Variants in COL24A1 observed in about 807,000 individuals in gnomAD.
The protein encoded by COL24A1 is collagen alpha-1(XXIV) chain.
A neutral mutation model predicts 253.9 loss-of-function variants in COL24A1; 224 were observed. The ratio of observed to expected loss-of-function variants is 0.88; its 90% CI spans 0.79 to 0.99. The LOEUF (loss-of-function observed/expected upper bound fraction) is 0.99. Ranked by LOEUF, COL24A1 falls within the 50% of genes least tolerant of loss-of-function variation. COL24A1 has a pLI of 0.00. For synonymous variants in COL24A1, 685 were observed against 673.7 expected, an observed-to-expected ratio of 1.02 and a Z score of -0.26; for missense variants, 2,131 against 2,068.5, an observed-to-expected ratio of 1.03 and a Z score of -0.59.
intron 45 of COL24A1, among the ~76,000 whole-genome samples, chr1:85,821,541 A>G (rs191802222): frequency 5.1e-4 from 78 of 152,334 alleles, no homozygotes; most frequent in Non-Finnish European, 9.6e-4. Flanking sequence ...CAGCAATTGG[A>G]CAGGACCCAT....
intron 51 of COL24A1, 55 bp from the exon 52 acceptor site, chr1:85,781,328 ACTCCAC>A: frequency 1.8e-5 from 21 of 1,193,478 alleles, no homozygotes; most frequent in Non-Finnish European, 2.1e-5. Flanking sequence ...AAAAAAAAAA[ACTCCAC>A]AGAATCTCTT....
intron 47 of COL24A1, among the ~76,000 whole-genome samples, chr1:85,792,546 G>GAAA (rs938451866): frequency 1.3e-5 from 2 of 148,396 alleles, no homozygotes; most frequent in African/African-American, 4.9e-5. Context: ...AAAAAGAAAG[G>GAAA]AAAAAAGTAG....
intron 31 of COL24A1, among the ~76,000 whole-genome samples, chr1:85,895,471 TG>T (rs1023414492): frequency 6.6e-6 from 1 of 152,184 alleles, no homozygotes; most frequent in Non-Finnish European, 1.5e-5. Context: ...TATTTTGAAA[TG>T]GGTTTTACAG....
chr1:85,900,364 G>A (rs1179066909), intron 28 of COL24A1, among the ~76,000 whole-genome samples: 1 of 152,180 alleles, frequency 6.6e-6, no homozygotes, highest in Non-Finnish European at 1.5e-5. Context: ...ACTGGGCTGA[G>A]TATGGTGGCT....
At chr1:85,918,041 G>C (rs747369086) in intron 24 of COL24A1, among the ~76,000 whole-genome samples, 1 of 151,878 alleles carries the variant, frequency 6.6e-6, no homozygotes, top group Non-Finnish European at 1.5e-5. Context: ...ATTCCTTCTT[G>C]TGATAAATCA....
At chr1:85,868,277 A>G (rs189823334) in intron 37 of COL24A1, among the ~76,000 whole-genome samples, 1 of 152,214 alleles carries the variant, frequency 6.6e-6, no homozygotes, top group South Asian at 2.1e-4. Flanking sequence ...AACATAAAAC[A>G]TTCCTTTATA....
rs755834958 is a variant in COL24A1 at position 85,982,299 on chromosome 1, T to C, written c.2364+5302A>G. Among the ~76,000 whole-genome samples the C allele has an allele frequency of 5.5e-4, 84 of 152,096 alleles. 1 individual carries two copies. The highest frequency in any genetic ancestry group is 2.4e-4 in the Non-Finnish European group (16 of 67,942). On this transcript the variant is annotated intron_variant, in intron 20 of 59. Coordinates refer to ENST00000370571, the MANE Select transcript of COL24A1 (RefSeq NM_152890.7). ...CAATGAGAAGCTGCTGTTCAATAAA[T>C]ATAGAATTTCAGTCATGTAAAATGA...
chr1:85,857,763 C>G (rs913420652), intron 37 of COL24A1, among the ~76,000 whole-genome samples: 1 of 152,156 alleles, frequency 6.6e-6, no homozygotes, highest in African/African-American at 2.4e-5. Context: ...TAAGTTTAAG[C>G]ATTCAACTGA....
chr1:85,897,168 G>A (rs1366243282), intron 28 of COL24A1, among the ~76,000 whole-genome samples: 2 of 152,040 alleles, frequency 1.3e-5, no homozygotes, highest in African/African-American at 2.4e-5. Context: ...ACCAAACACC[G>A]CATTTTCTCA....
chr1:86,146,078 A>G, intron 2 of COL24A1, 41 bp downstream of exon 2: 1 of 1,531,596 alleles, frequency 6.5e-7, no homozygotes, highest in Non-Finnish European at 9.0e-7. Context: ...TGGAAGTAGA[A>G]TTTTTAAGTA....
intron 57 of COL24A1, among the ~76,000 whole-genome samples, chr1:85,744,370 G>A (rs1664977322): frequency 6.6e-6 from 1 of 152,020 alleles, no homozygotes. Context: ...GACTTACCAA[G>A]TTCTGATGAG....
chr1:85,965,372 C>T (rs1435345331), intron 22 of COL24A1, among the ~76,000 whole-genome samples: 1 of 151,712 alleles, frequency 6.6e-6, no homozygotes, highest in African/African-American at 2.4e-5. Flanking sequence ...GTATGTTAGG[C>T]AGTGGTAATA....
chr1:85,913,114 A>G (rs910700115), intron 24 of COL24A1, among the ~76,000 whole-genome samples: 1 of 152,156 alleles, frequency 6.6e-6, no homozygotes, highest in African/African-American at 2.4e-5. Flanking sequence ...AAGTGATTTA[A>G]TAATTTGTTT....
chr1:85,945,902 T>A (rs1171871348), intron 24 of COL24A1, among the ~76,000 whole-genome samples: 1 of 152,100 alleles, frequency 6.6e-6, no homozygotes, highest in Admixed American at 6.6e-5. Flanking sequence ...CATCTGCACA[T>A]CTGGGCAAAA....
At chr1:85,960,392 C>G (rs1181995064) in intron 24 of COL24A1, among the ~76,000 whole-genome samples, 1 of 152,084 alleles carries the variant, frequency 6.6e-6, no homozygotes, top group East Asian at 1.9e-4. Flanking sequence ...AATAAAATTA[C>G]TTCTAACAAA....
intron 37 of COL24A1, among the ~76,000 whole-genome samples, chr1:85,863,465 C>T (rs1230736419): frequency 6.6e-6 from 1 of 152,106 alleles, no homozygotes; most frequent in African/African-American, 2.4e-5. Flanking sequence ...AAAACCTAGG[C>T]AATACCATTC....
At chr1:85,837,809 G>A (rs1309325325) in intron 43 of COL24A1, among the ~76,000 whole-genome samples, 1 of 152,190 alleles carries the variant, frequency 6.6e-6, no homozygotes, top group East Asian at 1.9e-4. Context: ...AATATTATAG[G>A]CAAATAGAGA....
chr1:85,971,205 T>C, intron 21 of COL24A1, 135 bp downstream of exon 21: 1 of 721,940 alleles, frequency 1.4e-6, no homozygotes, highest in South Asian at 1.6e-5. Flanking sequence ...CAAGACTCTG[T>C]CTAAATATAT....
At chr1:85,731,352 A>G (rs1377599783) in intron 59 of COL24A1, among the ~76,000 whole-genome samples, 1 of 152,242 alleles carries the variant, frequency 6.6e-6, no homozygotes, top group East Asian at 1.9e-4. Flanking sequence ...GCTGTTATTT[A>G]GGAGCTAATT....
Sources: gnomAD v4.1 joint callset for allele counts (sites outside exome capture counted in the v4.1 genomes callset) on GRCh38, gnomAD v4.1.1 for gene constraint, MANE v1.5 for transcripts, NCBI Gene and HGNC (gene_info 2026-07-23, HGNC 2026-07-21) for gene names.